The following SAMD5 variants were observed in gnomAD, a reference collection of about 807,000 sequenced individuals.
SAMD5 encodes sterile alpha motif domain containing 5, also known as sterile alpha motif domain-containing protein 5.
In SAMD5, 13 loss-of-function variants were observed where a neutral mutation model predicts 11.3. The ratio of observed to expected loss-of-function variants is 1.15; its 90% confidence interval spans 0.75 to 1.83. SAMD5 has a LOEUF of 1.83. Ranked by LOEUF, SAMD5 falls within the 40% of genes most tolerant of loss-of-function variation. SAMD5 has a pLI of 0.00. For missense variants in SAMD5, 255 were observed against 239.1 expected (o/e 1.07, Z -0.44); for synonymous variants, 129 against 111.3 (o/e 1.16, Z -1.00).
At chr6:147,635,210 G>C (rs183009111) in intron 1 of SAMD5, among the ~76,000 whole-genome samples, 4 of 142,858 alleles carry the variant, frequency 2.8e-5, no homozygotes. Context: ...TACCCTCATC[G>C]CCGTCATCAC....
chr6:147,599,505 A>T (rs1417326958), intron 1 of SAMD5, among the ~76,000 whole-genome samples: 1 of 152,186 alleles, frequency 6.6e-6, no homozygotes, highest in Non-Finnish European at 1.5e-5. Flanking sequence ...TATTTTTAAA[A>T]TTTTTTTAAA....
At chr6:147,882,029 G>T in the SAMD5 span, among the ~76,000 whole-genome samples, 2 of 152,116 alleles carry the variant, frequency 1.3e-5, no homozygotes, top group South Asian at 4.1e-4. Flanking sequence ...CCGATGAAAA[G>T]GTGTGTATTC....
the SAMD5 span, among the ~76,000 whole-genome samples, chr6:147,776,557 T>C: frequency 6.6e-6 from 1 of 152,212 alleles, no homozygotes; most frequent in East Asian, 1.9e-4. Context: ...ATTTCTGTTT[T>C]CCTTTTTTAT....
the SAMD5 span, among the ~76,000 whole-genome samples, chr6:147,885,030 T>TA: frequency 7.9e-4 from 121 of 152,316 alleles, 1 homozygote; most frequent in East Asian, 0.018. Flanking sequence ...AATAGCCTTT[T>TA]AAAAAAAGTT....
the SAMD5 span, among the ~76,000 whole-genome samples, chr6:147,881,139 C>G: frequency 6.6e-6 from 1 of 152,182 alleles, no homozygotes; most frequent in Non-Finnish European, 1.5e-5. Flanking sequence ...GTGGCCCTGA[C>G]AAGCAACAGA....
At chr6:147,951,580 G>A in the SAMD5 span, among the ~76,000 whole-genome samples, 7 of 152,300 alleles carry the variant, frequency 4.6e-5, no homozygotes, top group South Asian at 2.1e-4. Flanking sequence ...TGTGTCTACC[G>A]CACTGCGTGT....
chr6:147,765,823 G>T, the SAMD5 span, among the ~76,000 whole-genome samples: 52 of 152,264 alleles, frequency 3.4e-4, no homozygotes, highest in Non-Finnish European at 6.0e-4. Context: ...GAAATGTAGA[G>T]ACACCAGTTG....
the SAMD5 span, among the ~76,000 whole-genome samples, chr6:147,808,409 G>T: frequency 6.6e-6 from 1 of 152,036 alleles, no homozygotes. Context: ...TCACTATGTT[G>T]CCCAGGCTGT....
chr6:147,578,486 A>C (rs1349495113), intron 1 of SAMD5, among the ~76,000 whole-genome samples: 1 of 152,174 alleles, frequency 6.6e-6, no homozygotes, highest in Non-Finnish European at 1.5e-5. Flanking sequence ...CAGTTATTAA[A>C]AATTCCATGA....
At chr6:147,909,843 C>T in the SAMD5 span, among the ~76,000 whole-genome samples, 2 of 151,966 alleles carry the variant, frequency 1.3e-5, no homozygotes, top group Non-Finnish European at 2.9e-5. Context: ...AGCTGAATCA[C>T]AGGCCTCCCA....
At chr6:147,929,300 G>A in the SAMD5 span, among the ~76,000 whole-genome samples, 1 of 152,052 alleles carries the variant, frequency 6.6e-6, no homozygotes, top group Non-Finnish European at 1.5e-5. Context: ...CATTTCCATT[G>A]AGTGGACACA....
At chr6:147,864,567 G>A in the SAMD5 span, among the ~76,000 whole-genome samples, 25 of 152,182 alleles carry the variant, frequency 1.6e-4, no homozygotes, top group South Asian at 2.1e-4. Context: ...GGAAGGAAAA[G>A]AGCAATGCCA....
At chr6:147,790,773 TC>T in the SAMD5 span, among the ~76,000 whole-genome samples, 5 of 48,116 alleles carry the variant, frequency 1.0e-4, no homozygotes, top group African/African-American at 2.1e-4. Flanking sequence ...TCTCTCTTTC[TC>T]TCTCTCTCTC....
chr6:147,869,904 C>T, the SAMD5 span, among the ~76,000 whole-genome samples: 12 of 151,940 alleles, frequency 7.9e-5, no homozygotes, highest in African/African-American at 1.9e-4. Flanking sequence ...GACTTAGAGA[C>T]GGGGTCTCCT....
At chr6:147,847,300 A>G in the SAMD5 span, among the ~76,000 whole-genome samples, 1 of 152,180 alleles carries the variant, frequency 6.6e-6, no homozygotes, top group Non-Finnish European at 1.5e-5. Flanking sequence ...GAGTCAGTTA[A>G]CTCTAAGCAG....
chr6:147,563,555 C>A (rs1235404580), intron 1 of SAMD5, among the ~76,000 whole-genome samples: 1 of 152,194 alleles, frequency 6.6e-6, no homozygotes, highest in Non-Finnish European at 1.5e-5. Flanking sequence ...TCTTCTTTGT[C>A]CATCTAGATC....
chr6:147,719,761 A>AT (rs749781663), intron 1 of SAMD5, among the ~76,000 whole-genome samples: 15 of 152,180 alleles, frequency 9.9e-5, no homozygotes, highest in Admixed American at 1.3e-4. Flanking sequence ...GTGAAGACAG[A>AT]TTTTTTGCTA....
At chr6:147,643,004 A>G (rs1461790241) in intron 1 of SAMD5, among the ~76,000 whole-genome samples, 1 of 152,204 alleles carries the variant, frequency 6.6e-6, no homozygotes, top group African/African-American at 2.4e-5. Flanking sequence ...CCCAGATCCA[A>G]GAAATTTAGC....
At chr6:147,854,144 G>A in the SAMD5 span, among the ~76,000 whole-genome samples, 1 of 152,132 alleles carries the variant, frequency 6.6e-6, no homozygotes, top group African/African-American at 2.4e-5. Context: ...CACAGGATAG[G>A]TGACATTTGA....
Sources: gnomAD v4.1 joint callset for allele counts (sites outside exome capture counted in the v4.1 genomes callset) on GRCh38, gnomAD v4.1.1 for gene constraint, MANE v1.5 for transcripts, NCBI Gene and HGNC (gene_info 2026-07-23, HGNC 2026-07-21) for gene names.